The following SINHCAF variants were observed in gnomAD, a reference collection of about 807,000 sequenced individuals.
SINHCAF encodes SIN3-HDAC complex-associated factor.
In SINHCAF, 3 loss-of-function variants were observed where a neutral mutation model predicts 25.8. The ratio of observed to expected loss-of-function variants is 0.12; its 90% CI spans 0.05 to 0.30. The LOEUF (loss-of-function observed/expected upper bound fraction) is 0.30. SINHCAF is among the 10% of genes least tolerant of loss of function. SINHCAF has a pLI of 1.00. For missense variants in SINHCAF, 121 were observed against 262.3 expected, an observed-to-expected ratio of 0.46 and a Z score of 3.72; for synonymous variants, 70 against 85.5, an observed-to-expected ratio of 0.82 and a Z score of 1.00.
rs777886451 is a variant in SINHCAF at position 31,295,346 on chromosome 12, C to A, written c.129-13G>T. 33 of 1,548,376 alleles carry A rather than the reference C, an allele frequency of 2.1e-5. No homozygotes were observed. Among genetic ancestry groups the A allele is most frequent in the Non-Finnish European group, 2.8e-5 (31 of 1,124,990 alleles). On this transcript the variant is annotated splice_polypyrimidine_tract_variant and intron_variant, in intron 2 of 5. Coordinates refer to ENST00000337682, the MANE Select transcript of SINHCAF (RefSeq NM_001135812.2). ...AGTCTCATGCAATCTGATAAGAAAA[C>A]AATCAAACCTTTATCAGTCTCCCTT...
chr12:31,293,977 C>G (rs780527415), intron 3 of SINHCAF, 46 bp from the exon 4 acceptor site: 4 of 1,499,556 alleles, frequency 2.7e-6, no homozygotes, highest in Non-Finnish European at 3.6e-6. Context: ...AAAATGACAC[C>G]AGTGTATCCC....
chr12:31,318,651 GA>G (rs34544624), intron 1 of SINHCAF, among the ~76,000 whole-genome samples: 79,046 of 137,990 alleles, frequency 0.57, 21,304 homozygotes, highest in Admixed American at 0.67. Context: ...TTGGTAGAGC[GA>G]AAAAAAAAAA....
At chr12:31,309,824 C>A (rs1939193816) in intron 1 of SINHCAF, among the ~76,000 whole-genome samples, 1 of 152,042 alleles carries the variant, frequency 6.6e-6, no homozygotes, top group African/African-American at 2.4e-5. Context: ...CACCACCACG[C>A]TCGGCTAATT....
chr12:31,309,127 C>CAAAAAAAAAAAAA (rs757095598), intron 1 of SINHCAF, among the ~76,000 whole-genome samples: 1 of 75,420 alleles, frequency 1.3e-5, no homozygotes, highest in African/African-American at 5.1e-5. Flanking sequence ...GATTCTGTCT[C>CAAAAAAAAAAAAA]AAAAAAAAAA....
intron 1 of SINHCAF, among the ~76,000 whole-genome samples, chr12:31,309,827 G>A (rs1011289628): frequency 9.9e-5 from 15 of 151,984 alleles, no homozygotes; most frequent in South Asian, 2.1e-4. Flanking sequence ...CACCACGCTC[G>A]GCTAATTTTG....
chr12:31,323,547 A>C (rs1303455925), intron 1 of SINHCAF, among the ~76,000 whole-genome samples: 1 of 152,210 alleles, frequency 6.6e-6, no homozygotes. Flanking sequence ...TAATCTTCCG[A>C]GTGCCTGAAG....
At chr12:31,306,350 T>G (rs1337643238) in intron 1 of SINHCAF, among the ~76,000 whole-genome samples, 1 of 152,166 alleles carries the variant, frequency 6.6e-6, no homozygotes, top group Non-Finnish European at 1.5e-5. Context: ...ATGATGACAG[T>G]CTCCAATAAT....
intron 1 of SINHCAF, among the ~76,000 whole-genome samples, chr12:31,320,726 G>A (rs927927389): frequency 3.9e-5 from 6 of 152,068 alleles, no homozygotes; most frequent in Non-Finnish European, 5.9e-5. Flanking sequence ...TTTTAAAAAG[G>A]AGTCTTTTTT....
intron 5 of SINHCAF, among the ~76,000 whole-genome samples, chr12:31,284,370 T>G (rs1158664098): frequency 6.6e-6 from 1 of 152,226 alleles, no homozygotes; most frequent in Non-Finnish European, 1.5e-5. Flanking sequence ...TTTCTGTTGG[T>G]TTATCTTTTT....
At chr12:31,322,251 C>T (rs1306874675) in intron 1 of SINHCAF, among the ~76,000 whole-genome samples, 1 of 152,128 alleles carries the variant, frequency 6.6e-6, no homozygotes, top group African/African-American at 2.4e-5. Context: ...AAAACAAAAA[C>T]CATTAAGCTC....
chr12:31,293,748 C>A (rs1490500020), intron 4 of SINHCAF, 57 bp downstream of exon 4: 2 of 1,472,860 alleles, frequency 1.4e-6, no homozygotes, highest in Admixed American at 2.3e-5. Flanking sequence ...ATACACCACC[C>A]CCAGCCAAAA....
intron 1 of SINHCAF, among the ~76,000 whole-genome samples, chr12:31,322,306 A>G (rs1255555400): frequency 6.6e-6 from 1 of 152,254 alleles, no homozygotes; most frequent in Non-Finnish European, 1.5e-5. Flanking sequence ...AATTCTAGCC[A>G]TAACTTAGCT....
At chr12:31,295,444 T>C in intron 2 of SINHCAF, 111 bp from the exon 3 acceptor site, 2 of 699,208 alleles carry the variant, frequency 2.9e-6, no homozygotes, top group Non-Finnish European at 5.0e-6. Flanking sequence ...ATAGATACAA[T>C]TTAATCATCC....
rs1057306527 is a variant in SINHCAF at position 31,281,364 on chromosome 12, T to C, written c.*1348A>G. ...CATTTAATGTGAACACAAACCTCTT[T>C]TCTTTTAGTAAGTTTTACTTTTAAT... On this transcript the variant is annotated 3_prime_UTR_variant, in exon 6 of 6. Coordinates refer to ENST00000337682, the MANE Select transcript of SINHCAF (RefSeq NM_001135812.2). 1 of 152,218 alleles carries C rather than the reference T, an allele frequency of 6.6e-6. No individual in the cohort carries two copies. Among genetic ancestry groups the C allele is most frequent in the Non-Finnish European group, 1.5e-5 (1 of 68,040 alleles). The allele number at this position is 152,218 out of a possible 1,614,324, so 9.4% of individuals were successfully genotyped here. A position where few individuals can be genotyped will look rare whatever the true frequency, so the allele number is the denominator to read the frequency against.
chr12:31,305,259 G>A (rs1283888354), intron 1 of SINHCAF: 1 of 152,210 alleles, frequency 6.6e-6, no homozygotes, highest in African/African-American at 2.4e-5. Context: ...TTTTCCAACA[G>A]ACAAAATTTC....
intron 5 of SINHCAF, among the ~76,000 whole-genome samples, 158 bp downstream of exon 5, chr12:31,287,476 T>C (rs1364200617): frequency 6.6e-6 from 1 of 152,222 alleles, no homozygotes; most frequent in African/African-American, 2.4e-5. Flanking sequence ...AGGAAGAACA[T>C]ACAAAAATCC....
chr12:31,290,528 T>A (rs891445648), intron 4 of SINHCAF, among the ~76,000 whole-genome samples: 2 of 152,182 alleles, frequency 1.3e-5, no homozygotes, highest in African/African-American at 4.8e-5. Context: ...ATTTTTAATA[T>A]GTTAACTTAG....
At chr12:31,295,918 C>A (rs1257200881) in intron 2 of SINHCAF, among the ~76,000 whole-genome samples, 2 of 151,696 alleles carry the variant, frequency 1.3e-5, no homozygotes, top group African/African-American at 4.8e-5. Flanking sequence ...TGGTGGCTCA[C>A]ACCTGTAATC....
At chr12:31,311,769 C>T in intron 1 of SINHCAF, 1 of 495,840 alleles carries the variant, frequency 2.0e-6, no homozygotes. Context: ...CTGGAGAAAG[C>T]CAGCCTAACC....
Sources: allele counts gnomAD v4.1 joint callset (sites outside exome capture counted in the v4.1 genomes callset), GRCh38; gene constraint gnomAD v4.1.1; transcripts MANE v1.5; gene names NCBI Gene and HGNC (gene_info 2026-07-23, HGNC 2026-07-21).